Variants in CCSER2 observed in about 807,000 individuals in gnomAD.
CCSER2 encodes the protein coiled-coil serine rich protein 2, also known as serine-rich coiled-coil domain-containing protein 2.
In CCSER2, 46 loss-of-function variants were observed where a neutral mutation model predicts 92.3. That is an observed-to-expected ratio of 0.50 (90% CI 0.39 to 0.64). The LOEUF (loss-of-function observed/expected upper bound fraction) is 0.64. Among genes scored for constraint, CCSER2 ranks in the 30% least tolerant of loss-of-function variants. The pLI is 0.00. For missense variants in CCSER2, 1,244 were observed against 1,238.9 expected (o/e 1.00, Z -0.06); for synonymous variants, 433 against 431.4 (o/e 1.00, Z -0.04).
At chr10:84,367,162 A>G (rs1845815999) in intron 1 of CCSER2, among the ~76,000 whole-genome samples, 3 of 152,126 alleles carry the variant, frequency 2.0e-5, no homozygotes. Context: ...TAACTTAAAT[A>G]GGATACGTAT....
intron 6 of CCSER2, among the ~76,000 whole-genome samples, chr10:84,446,718 C>G (rs1013777243): frequency 2.6e-5 from 4 of 152,162 alleles, no homozygotes; most frequent in Non-Finnish European, 5.9e-5. Context: ...AATAAGCTCC[C>G]TGTATGCTCC....
Position 84,340,384 on chromosome 10 carries a change from A to T in CCSER2, c.-40+11576A>T, listed in dbSNP as rs533275606. Among the ~76,000 whole-genome samples the T allele has an allele frequency of 7.9e-5, 12 of 152,330 alleles. No homozygotes were observed. In the South Asian group the frequency reaches 2.3e-3, roughly 29 times the overall value. ...TAAATTTTTTGTTGAATGAATGAGT[A>T]AAGCAAATAATTATCCAATGTTGAC... On this transcript the variant is annotated intron_variant, in intron 1 of 9. Coordinates refer to ENST00000372088, the MANE Select transcript of CCSER2 (RefSeq NM_001284240.2).
chr10:84,391,398 G>A lies in CCSER2; in HGVS notation c.1614+17583G>A, dbSNP rs1841510693. The A allele has an allele frequency of 1.6e-5, 23 of 1,453,044 alleles. No individual in the cohort carries two copies. The South Asian group carries it at 2.6e-4, about 17-fold the overall frequency. 90.0% of individuals were successfully genotyped at this position (1,453,044 alleles called of 1,614,324 possible). ...AACATCCTAACACTAATGCATCAGT[G>A]GATGCAGGATAAAATGCTAGAAGTT... On this transcript the variant is annotated intron_variant, in intron 3 of 9. Coordinates refer to ENST00000372088, the MANE Select transcript of CCSER2 (RefSeq NM_001284240.2).
At chr10:84,414,229 T>G (rs552533457) in intron 3 of CCSER2, among the ~76,000 whole-genome samples, 2 of 152,366 alleles carry the variant, frequency 1.3e-5, no homozygotes, top group East Asian at 3.9e-4. Context: ...TTTATGTGGT[T>G]GCTTCATAGT....
chr10:84,442,267 A>G (rs998715839), intron 6 of CCSER2, among the ~76,000 whole-genome samples: 1 of 152,028 alleles, frequency 6.6e-6, no homozygotes, highest in Non-Finnish European at 1.5e-5. Context: ...TGCTACATTA[A>G]AAAAAATGTA....
chr10:84,370,870 C>T (rs7477048), intron 1 of CCSER2, 144 bp from the exon 2 acceptor site: 46,047 of 410,276 alleles, frequency 0.11, 2,973 homozygotes, highest in Admixed American at 0.16. Context: ...TTAGTGCATT[C>T]GGTATTTGCC....
intron 1 of CCSER2, among the ~76,000 whole-genome samples, chr10:84,335,210 T>TTCTACTTC (rs1190657453): frequency 6.7e-6 from 1 of 149,658 alleles, no homozygotes; most frequent in Admixed American, 6.7e-5. Context: ...TTCCCCAGCA[T>TTCTACTTC]TCTACTTCTC....
At chr10:84,448,327 C>G (rs951727124) in intron 6 of CCSER2, among the ~76,000 whole-genome samples, 1 of 152,152 alleles carries the variant, frequency 6.6e-6, no homozygotes, top group Admixed American at 6.5e-5. Context: ...CACATACACT[C>G]TATTCTTTCC....
At chr10:84,471,932 T>A (rs1846828565) in intron 8 of CCSER2, among the ~76,000 whole-genome samples, 1 of 152,146 alleles carries the variant, frequency 6.6e-6, no homozygotes, top group African/African-American at 2.4e-5. Context: ...CTGAATTTTT[T>A]ATCTTCTACA....
chr10:84,358,846 T>C (rs902976968), intron 1 of CCSER2, among the ~76,000 whole-genome samples: 2 of 152,180 alleles, frequency 1.3e-5, no homozygotes, highest in Non-Finnish European at 2.9e-5. Context: ...ATAAATTCTT[T>C]TTGTAAATAA....
At chr10:84,375,320 T>G (rs1846268695) in intron 3 of CCSER2, among the ~76,000 whole-genome samples, 1 of 152,142 alleles carries the variant, frequency 6.6e-6, no homozygotes, top group Admixed American at 6.6e-5. Context: ...ATCCATTCTG[T>G]GCTTTGGAAC....
Position 84,371,878 on chromosome 10 carries a change from C to G in CCSER2, c.826C>G (p.Gln276Glu). Reference protein sequence around the residue: ...RSSMLTRNSRQPEVLNGNEHL... With the variant: ...RSSMLTRNSREPEVLNGNEHL... The stretch of plus-strand genomic sequence containing the variant: ...AAGTATGCTAACAAGAAATTCCCGG[C>G]AGCCAGAAGTACTCAATGGGAATGA... The change falls in exon 2 of 10, where the codon CAG becomes GAG. Residue 276 changes from glutamine (Q) to glutamate (E), a missense_variant. Transcript: ENST00000372088. 1 of 1,613,626 alleles carries G rather than the reference C, an allele frequency of 6.2e-7. No individual in the cohort carries two copies. Among genetic ancestry groups the G allele is most frequent in the South Asian group, 1.1e-5 (1 of 91,064 alleles).
At chr10:84,473,077 T>A (rs1471481439) in intron 8 of CCSER2, 1 of 152,188 alleles carries the variant, frequency 6.6e-6, no homozygotes, top group African/African-American at 2.4e-5. Flanking sequence ...TGAAAATAAT[T>A]TTTAGAAAGA....
chr10:84,351,380 T>G (rs1343723793), intron 1 of CCSER2, among the ~76,000 whole-genome samples: 2 of 152,134 alleles, frequency 1.3e-5, no homozygotes, highest in African/African-American at 4.8e-5. Flanking sequence ...TACAGGCATC[T>G]GCCACCATGT....
intron 6 of CCSER2, among the ~76,000 whole-genome samples, chr10:84,452,047 A>G (rs1387491962): frequency 6.6e-6 from 1 of 152,238 alleles, no homozygotes; most frequent in Non-Finnish European, 1.5e-5. Context: ...AAGAAAAAAA[A>G]CTTACAAAAA....
chr10:84,385,174 T>C (rs1442202748), intron 3 of CCSER2, among the ~76,000 whole-genome samples: 1 of 152,158 alleles, frequency 6.6e-6, no homozygotes, highest in Non-Finnish European at 1.5e-5. Flanking sequence ...AAAATGACCA[T>C]ACTGCTCAAA....
Position 84,332,412 on chromosome 10 carries a change from T to TTATATATA in CCSER2, c.-40+3622_-40+3629dup, listed in dbSNP as rs1554828778. 9.4e-4 allele frequency among the ~76,000 whole-genome samples: 77 copies of TTATATATA among 82,258 alleles called. 2 individuals are homozygous for TTATATATA. The highest frequency in any genetic ancestry group is 3.3e-3 in the African/African-American group (54 of 16,610). The allele number at this position is 82,258 out of a possible 152,430, so 54.0% of individuals were successfully genotyped here. A position where few individuals can be genotyped will look rare whatever the true frequency, so the allele number is the denominator to read the frequency against. On this transcript the variant is annotated intron_variant, in intron 1 of 9. Transcript: ENST00000372088. ...ATTTTATATTATTAAATTTATTTTT[T>TTATATATA]TATATATATATATATATATATATAT...
chr10:84,441,494 A>G (rs1341839507), intron 6 of CCSER2, among the ~76,000 whole-genome samples: 1 of 151,836 alleles, frequency 6.6e-6, no homozygotes, highest in East Asian at 1.9e-4. Context: ...TTTTATGCTT[A>G]TTTTGATTTC....
intron 3 of CCSER2, among the ~76,000 whole-genome samples, chr10:84,413,696 T>G (rs1842761996): frequency 6.6e-6 from 1 of 152,146 alleles, no homozygotes; most frequent in Non-Finnish European, 1.5e-5. Flanking sequence ...CCTGAATATC[T>G]TTGTTAAATT....
Sources: allele counts gnomAD v4.1 joint callset (sites outside exome capture counted in the v4.1 genomes callset), GRCh38; gene constraint gnomAD v4.1.1; transcripts MANE v1.5; gene names NCBI Gene and HGNC (gene_info 2026-07-23, HGNC 2026-07-21).